The following DSCAML1 variants were observed in gnomAD, a reference collection of about 807,000 sequenced individuals.
DSCAML1 encodes DS cell adhesion molecule like 1.
A neutral mutation model predicts 200.5 loss-of-function variants in DSCAML1; 38 were observed. The observed-to-expected ratio is 0.19, with a 90% CI of 0.15 to 0.25. The LOEUF is 0.25. DSCAML1 is among the 10% of genes least tolerant of loss of function. The pLI is 1.00. For missense variants in DSCAML1, 2,223 were observed against 2,858.8 expected (o/e 0.78, Z 5.07); for synonymous variants, 1,215 against 1,165.0 (o/e 1.04, Z -0.87).
chr11:117,776,742 C>T (rs1259872674), intron 3 of DSCAML1, 49 bp downstream of exon 3: 2 of 1,609,682 alleles, frequency 1.2e-6, no homozygotes, highest in East Asian at 4.5e-5. Context: ...TTATCCAGTC[C>T]CCACAGAGGG....
intron 3 of DSCAML1, among the ~76,000 whole-genome samples, chr11:117,541,056 T>G (rs1366599546): frequency 1.3e-5 from 2 of 152,222 alleles, no homozygotes; most frequent in African/African-American, 2.4e-5. Flanking sequence ...GGAGCTGCAA[T>G]AACCCTTGAG....
intron 3 of DSCAML1, among the ~76,000 whole-genome samples, chr11:117,560,445 C>T (rs761248207): frequency 1.8e-4 from 27 of 152,122 alleles, no homozygotes; most frequent in Middle Eastern, 3.2e-3. Context: ...ATTTGATTTG[C>T]GTATTGCTCC....
intron 3 of DSCAML1, among the ~76,000 whole-genome samples, chr11:117,730,609 G>A (rs957783245): frequency 6.6e-6 from 1 of 152,212 alleles, no homozygotes. Context: ...CTGCTGGTGG[G>A]AATGTAAAGT....
intron 4 of DSCAML1, among the ~76,000 whole-genome samples, chr11:117,529,917 C>T (rs890566246): frequency 3.9e-5 from 6 of 152,100 alleles, no homozygotes; most frequent in Non-Finnish European, 8.8e-5. Flanking sequence ...TTTGCCGAGA[C>T]AAGCAGCTTG....
chr11:117,715,029 T>C (rs1051787047), intron 3 of DSCAML1, among the ~76,000 whole-genome samples: 1 of 151,830 alleles, frequency 6.6e-6, no homozygotes, highest in Admixed American at 6.6e-5. Context: ...GGAAGTACAG[T>C]GCAGGCAAAT....
At chr11:117,533,581 T>C (rs1334676142) in intron 3 of DSCAML1, among the ~76,000 whole-genome samples, 1 of 152,164 alleles carries the variant, frequency 6.6e-6, no homozygotes, top group East Asian at 1.9e-4. Flanking sequence ...ACAGGCACGG[T>C]GCTCTATGTC....
At position 117,482,089 on chromosome 11, in the gene DSCAML1, C is replaced by T. The variant is rs145675584; in HGVS notation, c.2433G>A (p.Thr811=). 140 of 1,614,202 alleles carry T rather than the reference C, an allele frequency of 8.7e-5. No individual in the cohort carries two copies. The East Asian group carries it at 2.8e-3, about 32-fold the overall frequency. The change falls in exon 12 of 33, where the codon ACG becomes ACA. Residue 811 remains threonine, a synonymous_variant. Coordinates refer to ENST00000651296, the MANE Select transcript of DSCAML1 (RefSeq NM_020693.4). The part of the protein sequence containing the change: ...IKGHAKELNC[T]ARGERPIIIR... ...TGATGATGGGCCGCTCACCCCGTGC[C>T]GTGCAGTTTAGCTCCTTCGCATGGC...
At chr11:117,715,630 C>G (rs920018008) in intron 3 of DSCAML1, among the ~76,000 whole-genome samples, 2 of 152,156 alleles carry the variant, frequency 1.3e-5, no homozygotes, top group Admixed American at 6.5e-5. Flanking sequence ...CAGGGCCTCG[C>G]AGAAACAGCC....
rs1555187517 is a variant in DSCAML1, at chr11:117,587,260, C to CCCA, written c.512-54741_512-54739dup. 3.3e-5 allele frequency among the ~76,000 whole-genome samples: 5 copies of CCCA among 150,616 alleles called. 1 individual carries two copies. Among genetic ancestry groups the CCCA allele is most frequent in the Non-Finnish European group, 5.9e-5 (4 of 67,546 alleles). Reference sequence around the variant, plus strand: ...CTCATTCGATTCTTTCCAACCCCCCCCCACGATTTAGATACTATTATGATT... The same window carrying CCCA: ...CTCATTCGATTCTTTCCAACCCCCCCCCACCACGATTTAGATACTATTATGATT... On this transcript the variant is annotated intron_variant, in intron 3 of 32. Transcript: ENST00000651296.
intron 11 of DSCAML1, among the ~76,000 whole-genome samples, chr11:117,499,620 G>A (rs1189679157): frequency 6.6e-6 from 1 of 152,202 alleles, no homozygotes; most frequent in Non-Finnish European, 1.5e-5. Context: ...CTGAGAGGGA[G>A]CTATTGCCTA....
chr11:117,440,111 T>A (rs2048012643), intron 21 of DSCAML1, among the ~76,000 whole-genome samples, 175 bp from the exon 22 acceptor site: 2 of 152,098 alleles, frequency 1.3e-5, no homozygotes, highest in South Asian at 4.1e-4. Flanking sequence ...AGACATTGAC[T>A]CAAGAAACAT....
In DSCAML1 at chr11:117,489,107, G is replaced by A. The variant is rs1421561084; in HGVS notation, c.2360-6945C>T. Among the ~76,000 whole-genome samples, 1 of 152,182 alleles carries A rather than the reference G, an allele frequency of 6.6e-6. No individual in the cohort carries two copies. The highest frequency in any genetic ancestry group is 1.5e-5 in the Non-Finnish European group (1 of 68,042). ...GAAAGTGTTTCTTCCACCTCTAAGG[G>A]GGCTGGCCACCTCTAGCCATCTGTT... is the stretch of plus-strand genomic sequence containing the variant. On this transcript the variant is annotated intron_variant, in intron 11 of 32. Coordinates refer to ENST00000651296, the MANE Select transcript of DSCAML1 (RefSeq NM_020693.4). The surrounding 1 kb of genome is among the most constrained non-coding windows in gnomAD (Gnocchi z 4.8).
chr11:117,512,809 C>A (rs962831644), intron 8 of DSCAML1, among the ~76,000 whole-genome samples: 2 of 149,852 alleles, frequency 1.3e-5, no homozygotes, highest in Admixed American at 6.6e-5. Context: ...ACACCCCTCC[C>A]CTTCCCCCCA....
At position 117,796,408 on chromosome 11, in the gene DSCAML1, A is replaced by G. The variant is rs867295296; in HGVS notation, c.46+626T>C. Among the ~76,000 whole-genome samples, 40 of 150,638 alleles carry G rather than the reference A, an allele frequency of 2.7e-4. No homozygotes were observed. The Middle Eastern group carries it at 0.014, about 52-fold the overall frequency. ...TAAAGCCGGGGCAGAGGGGTGGGGTAGGGCCGGGGGAGGGTGACCTCTGGG... is the reference window on the plus strand; with the variant it reads ...TAAAGCCGGGGCAGAGGGGTGGGGTGGGGCCGGGGGAGGGTGACCTCTGGG... On this transcript the variant is annotated intron_variant, in intron 1 of 32. Transcript: ENST00000651296.
At chr11:117,691,890 G>A (rs994299783) in intron 3 of DSCAML1, among the ~76,000 whole-genome samples, 3 of 152,142 alleles carry the variant, frequency 2.0e-5, no homozygotes, top group African/African-American at 7.2e-5. Context: ...TGGGGCTGCA[G>A]GGGGCCTTAC....
intron 1 of DSCAML1, among the ~76,000 whole-genome samples, chr11:117,787,174 C>T (rs371570784): frequency 6.6e-6 from 1 of 152,208 alleles, no homozygotes; most frequent in East Asian, 1.9e-4. Context: ...ACTGCCTCAC[C>T]TTTCTGTGCC....
At chr11:117,753,778 G>A (rs542406750) in intron 3 of DSCAML1, among the ~76,000 whole-genome samples, 3 of 152,314 alleles carry the variant, frequency 2.0e-5, no homozygotes, top group South Asian at 2.1e-4. Flanking sequence ...TGTCACTCAC[G>A]CTGCATGTTG....
intron 19 of DSCAML1, among the ~76,000 whole-genome samples, chr11:117,458,538 G>C (rs1349056242): frequency 6.6e-6 from 1 of 151,852 alleles, no homozygotes; most frequent in Admixed American, 6.5e-5. Flanking sequence ...TGTATGTAGG[G>C]GGTGCGGGGG....
chr11:117,679,532 G>A (rs934026731), intron 3 of DSCAML1, among the ~76,000 whole-genome samples: 1 of 152,124 alleles, frequency 6.6e-6, no homozygotes, highest in African/African-American at 2.4e-5. Context: ...GGCCATACCC[G>A]GTACCCCAGC....
Sources: allele counts gnomAD v4.1 joint callset (sites outside exome capture counted in the v4.1 genomes callset), GRCh38; gene constraint gnomAD v4.1.1; non-coding constraint Gnocchi (gnomAD v3.1); transcripts MANE v1.5; gene names NCBI Gene and HGNC (gene_info 2026-07-23, HGNC 2026-07-21).